The following WDFY1 variants were observed in gnomAD, a reference collection of about 807,000 sequenced individuals.
The protein encoded by WDFY1 is WD repeat and FYVE domain-containing protein 1.
A neutral mutation model predicts 56.4 loss-of-function variants in WDFY1; 32 were observed. The observed-to-expected ratio is 0.57, with a 90% confidence interval of 0.43 to 0.76. The LOEUF (loss-of-function observed/expected upper bound fraction) is 0.76. Among genes scored for constraint, WDFY1 ranks in the 30% least tolerant of loss-of-function variants. The pLI is 0.00. For missense variants in WDFY1, 480 were observed against 545.7 expected (o/e 0.88, Z 1.20); for synonymous variants, 192 against 197.3 (o/e 0.97, Z 0.23).
intron 1 of WDFY1, among the ~76,000 whole-genome samples, chr2:223,918,229 T>C (rs1693823757): frequency 6.6e-6 from 1 of 152,028 alleles, no homozygotes; most frequent in Non-Finnish European, 1.5e-5. Flanking sequence ...ATATTGTATA[T>C]GCACACCATA....
intron 2 of WDFY1, among the ~76,000 whole-genome samples, chr2:223,915,935 G>T (rs1341852554): frequency 6.6e-6 from 1 of 152,210 alleles, no homozygotes; most frequent in East Asian, 1.9e-4. Flanking sequence ...CTCAAGGTGA[G>T]AATTTAGTGT....
At chr2:223,907,266 C>G (rs1192929099) in intron 3 of WDFY1, among the ~76,000 whole-genome samples, 1 of 152,088 alleles carries the variant, frequency 6.6e-6, no homozygotes, top group South Asian at 2.1e-4. Flanking sequence ...CATGAGCCAC[C>G]GTGCCCAGCC....
chr2:223,914,903 A>G (rs1032958736), intron 2 of WDFY1, among the ~76,000 whole-genome samples: 2 of 152,206 alleles, frequency 1.3e-5, no homozygotes, highest in African/African-American at 4.8e-5. Context: ...ATAGAACACA[A>G]TTGGACTGCA....
intron 1 of WDFY1, among the ~76,000 whole-genome samples, chr2:223,928,899 CA>C (rs1694028196): frequency 6.6e-6 from 1 of 151,704 alleles, no homozygotes. Context: ...GATGTTATTG[CA>C]GGGGGGGTGA....
In WDFY1 at chr2:223,886,735, A is replaced by T. The variant is rs1011694600; in HGVS notation, c.832-1986T>A. On this transcript the variant is annotated intron_variant, in intron 8 of 11. Coordinates refer to ENST00000233055, the MANE Select transcript of WDFY1 (RefSeq NM_020830.5). Reference sequence around the variant, plus strand: ...ACAAGAGTGAAACTCCGTCTAAAAAAAAAAAAAAAAAAAAGCCTGTTTAAC... The same window carrying T: ...ACAAGAGTGAAACTCCGTCTAAAAATAAAAAAAAAAAAAAGCCTGTTTAAC... Among the ~76,000 whole-genome samples, 306 of 151,396 alleles carry T rather than the reference A, an allele frequency of 2.0e-3. 1 individual carries two copies. Among genetic ancestry groups the T allele is most frequent in the African/African-American group, 7.0e-3 (288 of 41,374 alleles).
chr2:223,933,070 G>A (rs970807661), intron 1 of WDFY1, among the ~76,000 whole-genome samples: 6 of 152,114 alleles, frequency 3.9e-5, no homozygotes, highest in Non-Finnish European at 8.8e-5. Context: ...GTAACAGGGA[G>A]AGAAAATGTT....
chr2:223,888,944 C>T (rs373068445), intron 8 of WDFY1, among the ~76,000 whole-genome samples: 1 of 147,290 alleles, frequency 6.8e-6, no homozygotes, highest in East Asian at 2.0e-4. Flanking sequence ...CGCTCTGTCA[C>T]CCAGGCTGGA....
intron 1 of WDFY1, among the ~76,000 whole-genome samples, chr2:223,927,919 G>T (rs1017475928): frequency 6.6e-6 from 1 of 152,078 alleles, no homozygotes; most frequent in African/African-American, 2.4e-5. Context: ...AGGAGGCCTG[G>T]GGGGAAAGGG....
intron 7 of WDFY1, chr2:223,894,599 C>G: frequency 2.2e-6 from 1 of 459,894 alleles, no homozygotes. Context: ...TTGATGAGGG[C>G]TATGGTTTTT....
chr2:223,901,185 C>A lies in WDFY1; in HGVS notation c.483G>T (p.Leu161=). The change falls in exon 5 of 12, where the codon CTG becomes CTT. Residue 161 remains leucine, a splice_region_variant and synonymous_variant. Coordinates refer to ENST00000233055, the MANE Select transcript of WDFY1 (RefSeq NM_020830.5). ...AGGTCCGTGGCTCTGAAGGATACTG[C>A]AGACACGAAGCCCAGGACGTGAAGA... ...RHFFTSWASC[L]QYDFDTQYAF... The A allele has an allele frequency of 6.2e-7, 1 of 1,613,046 alleles. No homozygotes were observed. The highest frequency in any genetic ancestry group is 8.5e-7 in the Non-Finnish European group (1 of 1,179,466).
intron 1 of WDFY1, among the ~76,000 whole-genome samples, chr2:223,937,380 T>C (rs937199352): frequency 2.0e-5 from 3 of 152,212 alleles, no homozygotes; most frequent in East Asian, 1.9e-4. Flanking sequence ...ACTTGTATAG[T>C]GCTTTCTCTG....
intron 1 of WDFY1, among the ~76,000 whole-genome samples, chr2:223,920,574 G>C (rs1276696919): frequency 1.3e-5 from 2 of 152,256 alleles, no homozygotes; most frequent in Non-Finnish European, 2.9e-5. Flanking sequence ...AACCTCCAGA[G>C]CCACAGTCTC....
At chr2:223,919,098 T>C (rs1693846490) in intron 1 of WDFY1, among the ~76,000 whole-genome samples, 1 of 152,240 alleles carries the variant, frequency 6.6e-6, no homozygotes, top group African/African-American at 2.4e-5. Context: ...ATCTCCTGCA[T>C]CCCTAGGACA....
chr2:223,895,670 G>A, intron 6 of WDFY1, 40 bp from the exon 7 acceptor site: 1 of 1,608,730 alleles, frequency 6.2e-7, no homozygotes, highest in South Asian at 1.1e-5. Context: ...GGAGGCAGGG[G>A]AGAAGTAAAA....
chr2:223,937,691 G>GT (rs1553538522), intron 1 of WDFY1, among the ~76,000 whole-genome samples: 1 of 152,202 alleles, frequency 6.6e-6, no homozygotes, highest in Non-Finnish European at 1.5e-5. Context: ...GAAAATGATT[G>GT]TAACAATGAA....
In WDFY1 at chr2:223,912,632, G is replaced by A. The variant is rs994610263; in HGVS notation, c.206-306C>T. On this transcript the variant is annotated intron_variant, in intron 2 of 11. Transcript: ENST00000233055. ...TGGCAAGCCTTGGGGACCAGTGCTTGTAGTGTGTGACCTGCTGCCCAAAAG... is the reference window on the plus strand; with the variant it reads ...TGGCAAGCCTTGGGGACCAGTGCTTATAGTGTGTGACCTGCTGCCCAAAAG... Among the ~76,000 whole-genome samples, 6 of 152,208 alleles carry A rather than the reference G, an allele frequency of 3.9e-5. No homozygotes were observed. The East Asian group carries it at 9.6e-4, about 24-fold the overall frequency.
intron 8 of WDFY1, among the ~76,000 whole-genome samples, chr2:223,890,630 AGAGT>A (rs1257965278): frequency 2.6e-5 from 4 of 152,166 alleles, no homozygotes; most frequent in Admixed American, 1.3e-4. Context: ...AGAGCAAGAG[AGAGT>A]ATTAATCAGT....
At chr2:223,904,936 G>A (rs1178826840) in intron 4 of WDFY1, among the ~76,000 whole-genome samples, 2 of 152,124 alleles carry the variant, frequency 1.3e-5, no homozygotes, top group Non-Finnish European at 2.9e-5. Context: ...TGAAAAAAAG[G>A]TATATGTCAC....
rs201091624 is a variant in WDFY1 at position 223,939,848 on chromosome 2, T to C, written c.137+5300A>G. ...TGACAACCAAAAATGTCTCCAGATA[T>C]TACCAAATGTTCCCTGGGTGGGAAA... is the stretch of plus-strand genomic sequence containing the variant. On this transcript the variant is annotated intron_variant, in intron 1 of 11. Coordinates refer to ENST00000233055, the MANE Select transcript of WDFY1 (RefSeq NM_020830.5). Among the ~76,000 whole-genome samples the C allele has an allele frequency of 1.2e-4, 19 of 152,294 alleles. No homozygotes were observed. In the East Asian group the frequency reaches 2.5e-3, roughly 20 times the overall value.
Sources: allele counts gnomAD v4.1 joint callset (sites outside exome capture counted in the v4.1 genomes callset), GRCh38; gene constraint gnomAD v4.1.1; transcripts MANE v1.5; gene names NCBI Gene and HGNC (gene_info 2026-07-23, HGNC 2026-07-21).